The following MTDH variants were observed in gnomAD, a reference collection of about 807,000 sequenced individuals.
MTDH encodes protein LYRIC.
In MTDH, 34 loss-of-function variants were observed where a neutral mutation model predicts 72.7. The observed-to-expected ratio is 0.47, with a 90% CI of 0.36 to 0.62. The LOEUF (loss-of-function observed/expected upper bound fraction) is 0.62. Among genes scored for constraint, MTDH ranks in the 20% least tolerant of loss-of-function variants. The pLI, the probability that MTDH is intolerant of heterozygous loss-of-function variation, is 0.00. For missense variants in MTDH, 677 were observed against 699.4 expected, an observed-to-expected ratio of 0.97 and a Z score of 0.36; for synonymous variants, 266 against 268.9, an observed-to-expected ratio of 0.99 and a Z score of 0.10.
At chr8:97,652,457 A>G (rs902775071) in intron 1 of MTDH, among the ~76,000 whole-genome samples, 1 of 152,012 alleles carries the variant, frequency 6.6e-6, no homozygotes, top group African/African-American at 2.4e-5. Context: ...ATCCCTTTCT[A>G]TTTTCTGTCT....
At chr8:97,649,268 C>T (rs1279911269) in intron 1 of MTDH, among the ~76,000 whole-genome samples, 4 of 152,198 alleles carry the variant, frequency 2.6e-5, no homozygotes, top group Admixed American at 1.3e-4. Context: ...ACTGCCACTG[C>T]CCTACTTTAG....
intron 4 of MTDH, among the ~76,000 whole-genome samples, chr8:97,688,466 T>C (rs1441762364): frequency 6.6e-6 from 1 of 152,220 alleles, no homozygotes; most frequent in Non-Finnish European, 1.5e-5. Flanking sequence ...TCTTTTTCGC[T>C]GTCTTGTGCA....
At chr8:97,719,338 C>G in intron 10 of MTDH, 149 bp downstream of exon 10, 2 of 728,160 alleles carry the variant, frequency 2.7e-6, no homozygotes, top group Non-Finnish European at 4.3e-6. Context: ...ACTAAAAATA[C>G]AAAAATTAGC....
At chr8:97,719,302 G>C in intron 10 of MTDH, 113 bp downstream of exon 10, 1 of 1,071,204 alleles carries the variant, frequency 9.3e-7, no homozygotes, top group Middle Eastern at 2.3e-4. Flanking sequence ...AGAGCAGCCT[G>C]GCCAACATAG....
chr8:97,651,287 CT>C (rs1366526811), intron 1 of MTDH, among the ~76,000 whole-genome samples: 6 of 152,170 alleles, frequency 3.9e-5, no homozygotes, highest in Admixed American at 2.0e-4. Flanking sequence ...GCCAATAGCA[CT>C]AGAACTCATG....
chr8:97,661,760 T>C (rs1812178312), intron 2 of MTDH, among the ~76,000 whole-genome samples: 1 of 152,032 alleles, frequency 6.6e-6, no homozygotes. Context: ...CTGGGCAACA[T>C]GGCGAAATTT....
intron 10 of MTDH, among the ~76,000 whole-genome samples, chr8:97,720,189 G>A (rs373365663): frequency 5.9e-5 from 9 of 152,272 alleles, no homozygotes; most frequent in African/African-American, 2.2e-4. Flanking sequence ...AGAGGCTGAG[G>A]CAGGAGAATC....
chr8:97,689,605 A>G (rs1813502216), intron 5 of MTDH, among the ~76,000 whole-genome samples: 1 of 152,082 alleles, frequency 6.6e-6, no homozygotes, highest in Non-Finnish European at 1.5e-5. Context: ...CTCATTTATG[A>G]TAAAGATTGA....
At chr8:97,677,506 A>G (rs1586232449) in intron 2 of MTDH, among the ~76,000 whole-genome samples, 1 of 141,144 alleles carries the variant, frequency 7.1e-6, no homozygotes, top group African/African-American at 3.1e-5. Context: ...AAAAAAAAAG[A>G]AAGAAAGAAA....
intron 10 of MTDH, among the ~76,000 whole-genome samples, chr8:97,719,492 C>CAA (rs11383714): frequency 0.15 from 11,713 of 79,538 alleles, 1,010 homozygotes; most frequent in African/African-American, 0.24. Flanking sequence ...GACACTGTCT[C>CAA]AAAAAAAAAA....
intron 1 of MTDH, among the ~76,000 whole-genome samples, chr8:97,652,679 AT>A (rs1811819482): frequency 6.6e-6 from 1 of 152,232 alleles, no homozygotes; most frequent in African/African-American, 2.4e-5. Flanking sequence ...ATAATCTGTT[AT>A]TGAGTTAAAT....
At chr8:97,647,840 A>T (rs1811622938) in intron 1 of MTDH, among the ~76,000 whole-genome samples, 2 of 151,698 alleles carry the variant, frequency 1.3e-5, no homozygotes, top group Admixed American at 6.6e-5. Context: ...GCACTTTGGG[A>T]GGCACTGTTG....
At chr8:97,683,477 C>T (rs1036616858) in intron 2 of MTDH, among the ~76,000 whole-genome samples, 1 of 151,972 alleles carries the variant, frequency 6.6e-6, no homozygotes, top group Non-Finnish European at 1.5e-5. Context: ...CTCACTTCAG[C>T]CTCAACCTCC....
intron 2 of MTDH, among the ~76,000 whole-genome samples, chr8:97,677,643 G>T (rs749762926): frequency 7.9e-5 from 12 of 152,086 alleles, no homozygotes; most frequent in Non-Finnish European, 1.6e-4. Flanking sequence ...ATCAAGAAGG[G>T]GTTTTGAAAT....
chr8:97,729,510 C>G lies in MTDH; in HGVS notation c.*4840C>G, dbSNP rs948040386. 5.9e-5 allele frequency among the ~76,000 whole-genome samples: 9 copies of G among 152,172 alleles called. No homozygotes were observed. Among genetic ancestry groups the G allele is most frequent in the Non-Finnish European group, 1.0e-4 (7 of 68,032 alleles). Reference sequence around the variant, plus strand: ...GGATAATGGGCACCTCTAACAGTGTCTGTCAGAGTTGACATACATTGTGTA... The same window carrying G: ...GGATAATGGGCACCTCTAACAGTGTGTGTCAGAGTTGACATACATTGTGTA... On this transcript the variant is annotated 3_prime_UTR_variant, in exon 12 of 12. Transcript: ENST00000336273.
chr8:97,704,518 G>A (rs767692316), intron 7 of MTDH, among the ~76,000 whole-genome samples: 2 of 152,102 alleles, frequency 1.3e-5, no homozygotes, highest in Non-Finnish European at 1.5e-5. Flanking sequence ...TGAGGCAGGA[G>A]GATCACTTGA....
intron 1 of MTDH, among the ~76,000 whole-genome samples, chr8:97,646,890 T>G (rs1467954072): frequency 6.6e-6 from 1 of 152,204 alleles, no homozygotes; most frequent in Non-Finnish European, 1.5e-5. Context: ...TTTACAAAAT[T>G]GTGACTTTCA....
At chr8:97,645,421 T>G (rs538155966) in intron 1 of MTDH, among the ~76,000 whole-genome samples, 2 of 152,300 alleles carry the variant, frequency 1.3e-5, no homozygotes, top group African/African-American at 4.8e-5. Context: ...TAGTTGGGAC[T>G]GTTAAAGGGA....
chr8:97,680,617 G>A (rs1586236341), intron 2 of MTDH, among the ~76,000 whole-genome samples: 3 of 152,258 alleles, frequency 2.0e-5, no homozygotes, highest in South Asian at 4.1e-4. Flanking sequence ...TCTGTATTAT[G>A]TATATGAGAT....
Sources: allele counts gnomAD v4.1 joint callset (sites outside exome capture counted in the v4.1 genomes callset), GRCh38; gene constraint gnomAD v4.1.1; transcripts MANE v1.5; gene names NCBI Gene and HGNC (gene_info 2026-07-23, HGNC 2026-07-21).